Variants in RPH3A observed in about 807,000 individuals in gnomAD.
RPH3A encodes the protein rabphilin-3A.
A neutral mutation model predicts 102.2 loss-of-function variants in RPH3A; 48 were observed. The observed-to-expected ratio is 0.47, with a 90% CI of 0.37 to 0.60. The LOEUF is 0.60. Among genes scored for constraint, RPH3A ranks in the 20% least tolerant of loss-of-function variants. RPH3A has a pLI of 0.00. For missense variants in RPH3A, 781 were observed against 910.1 expected (o/e 0.86, Z 1.83); for synonymous variants, 310 against 324.3 (o/e 0.96, Z 0.47).
intron 2 of RPH3A, among the ~76,000 whole-genome samples, chr12:112,801,824 C>CA (rs2041359349): frequency 1.3e-5 from 2 of 152,112 alleles, no homozygotes; most frequent in Non-Finnish European, 2.9e-5. Context: ...CAACCCTATT[C>CA]TACTCTGTTT....
chr12:112,822,844 A>G (rs7969169), intron 2 of RPH3A, among the ~76,000 whole-genome samples: 32,997 of 152,164 alleles, frequency 0.22, 5,385 homozygotes, highest in African/African-American at 0.46. Context: ...GGTGCTTAGC[A>G]TGGAGTAAGC....
At chr12:112,816,205 A>G (rs141672385) in intron 2 of RPH3A, among the ~76,000 whole-genome samples, 65 of 152,286 alleles carry the variant, frequency 4.3e-4, no homozygotes, top group Admixed American at 8.5e-4. Context: ...CTTCCAGCAA[A>G]TGACTTTACC....
At chr12:112,613,556 T>C (rs1010064913) in intron 1 of RPH3A, among the ~76,000 whole-genome samples, 2 of 152,186 alleles carry the variant, frequency 1.3e-5, no homozygotes, top group African/African-American at 4.8e-5. Flanking sequence ...TCCTGGATTA[T>C]CCAGGTGAGC....
chr12:112,704,413 T>G (rs2040414799), intron 1 of RPH3A, among the ~76,000 whole-genome samples: 1 of 152,094 alleles, frequency 6.6e-6, no homozygotes, highest in African/African-American at 2.4e-5. Flanking sequence ...AAGGTGCAGA[T>G]CTATGGTGCT....
chr12:112,594,841 T>C (rs1402687813), intron 1 of RPH3A, among the ~76,000 whole-genome samples: 1 of 152,266 alleles, frequency 6.6e-6, no homozygotes, highest in Non-Finnish European at 1.5e-5. Flanking sequence ...GATTAATTAA[T>C]TCACCAATGT....
chr12:112,743,592 C>A (rs115679511), intron 1 of RPH3A, among the ~76,000 whole-genome samples: 1,568 of 152,224 alleles, frequency 0.01, 33 homozygotes, highest in African/African-American at 0.036. Flanking sequence ...GGTAGGCGCT[C>A]GGTAAATGTT....
chr12:112,607,918 C>T (rs1173241323), intron 1 of RPH3A, among the ~76,000 whole-genome samples: 1 of 152,146 alleles, frequency 6.6e-6, no homozygotes, highest in Non-Finnish European at 1.5e-5. Context: ...CGCTCTAAAA[C>T]CTTTAGTGGC....
At chr12:112,794,792 C>A (rs2041197534) in intron 2 of RPH3A, among the ~76,000 whole-genome samples, 1 of 152,174 alleles carries the variant, frequency 6.6e-6, no homozygotes, top group Admixed American at 6.5e-5. Flanking sequence ...CATATAAACC[C>A]ACCATTATGA....
chr12:112,848,173 C>G (rs891937799), intron 5 of RPH3A, among the ~76,000 whole-genome samples: 3 of 152,016 alleles, frequency 2.0e-5, no homozygotes, highest in African/African-American at 7.3e-5. Flanking sequence ...TTGGAGGCTG[C>G]AAGAAGCGGG....
At chr12:112,778,561 A>C (rs1016057883) in intron 1 of RPH3A, among the ~76,000 whole-genome samples, 1 of 152,220 alleles carries the variant, frequency 6.6e-6, no homozygotes, top group Non-Finnish European at 1.5e-5. Flanking sequence ...CAACAACAAA[A>C]GGCAGGGGAA....
At chr12:112,705,183 C>G (rs530167430) in intron 1 of RPH3A, among the ~76,000 whole-genome samples, 1 of 152,298 alleles carries the variant, frequency 6.6e-6, no homozygotes, top group South Asian at 2.1e-4. Context: ...TAGGGATCTG[C>G]TCCTTCTCTT....
intron 1 of RPH3A, among the ~76,000 whole-genome samples, chr12:112,593,983 C>G (rs2039497099): frequency 6.6e-6 from 1 of 152,140 alleles, no homozygotes; most frequent in Non-Finnish European, 1.5e-5. Context: ...AGAGTAGATC[C>G]TGTGTCTGTT....
chr12:112,660,457 T>G (rs187881950), intron 1 of RPH3A, among the ~76,000 whole-genome samples: 92 of 152,220 alleles, frequency 6.0e-4, no homozygotes, highest in African/African-American at 2.1e-3. Flanking sequence ...TCCTGACCTC[T>G]CCCCATCTCC....
intron 14 of RPH3A, among the ~76,000 whole-genome samples, 187 bp from the exon 15 acceptor site, chr12:112,881,585 T>A (rs1424503658): frequency 6.6e-6 from 1 of 152,216 alleles, no homozygotes; most frequent in African/African-American, 2.4e-5. Flanking sequence ...TGGCCAGGTT[T>A]AAAACCCTGT....
chr12:112,602,110 C>A (rs966589492), intron 1 of RPH3A, among the ~76,000 whole-genome samples: 2 of 152,200 alleles, frequency 1.3e-5, no homozygotes, highest in Admixed American at 6.5e-5. Context: ...ACTTCTTAAT[C>A]TGCTCCTGGG....
chr12:112,876,535 T>A lies in RPH3A; in HGVS notation c.947-107T>A, dbSNP rs2042799971. The A allele has an allele frequency of 3.8e-6, 3 of 782,150 alleles. No individual in the cohort carries two copies. In the South Asian group the frequency reaches 5.9e-5, roughly 16 times the overall value. 48.5% of individuals were successfully genotyped at this position (782,150 alleles called of 1,614,324 possible). The stretch of plus-strand genomic sequence containing the variant: ...TCCCAAGGTCCCACTGCATATCCAC[T>A]GATTCCGGGTGAAGCCAGGAATCCG... On this transcript the variant is annotated intron_variant, in intron 12 of 21. Transcript: ENST00000389385.
Position 112,640,325 on chromosome 12 carries a change from C to CAAAAAAAAAAAAAAAAAAAAAAAA in RPH3A, c.-140+65024_-140+65047dup, listed in dbSNP as rs1158230534. On this transcript the variant is annotated intron_variant, in intron 1 of 21. Transcript: ENST00000543106. Reference sequence around the variant, plus strand: ...GGTCAACAAGAGCAAAACTCCATCTCAAAAAAAAAAAAAAAAAAAAAAAAA... The same window carrying CAAAAAAAAAAAAAAAAAAAAAAAA: ...GGTCAACAAGAGCAAAACTCCATCTCAAAAAAAAAAAAAAAAAAAAAAAAAAAAAAAAAAAAAAAAAAAAAAAAA... Among the ~76,000 whole-genome samples the CAAAAAAAAAAAAAAAAAAAAAAAA allele has an allele frequency of 1.4e-4, 2 of 14,078 alleles. 1 individual carries two copies. The highest frequency in any genetic ancestry group is 4.9e-3 in the East Asian group (2 of 406). The allele number at this position is 14,078 out of a possible 152,430, so 9.2% of individuals were successfully genotyped here. A position where few individuals can be genotyped will look rare whatever the true frequency, so the allele number is the denominator to read the frequency against.
In RPH3A at chr12:112,713,061, CT is replaced by C. The variant is rs1565857537; in HGVS notation, c.-139-79080del. The stretch of plus-strand genomic sequence containing the variant: ...TCTTCTTCTTCTTCTCCTTCTTCTT[CT>C]TCTTCTTCTTCTTCTTCTTCTTCTT... On this transcript the variant is annotated intron_variant, in intron 1 of 21. Transcript: ENST00000543106. 9.9e-4 allele frequency among the ~76,000 whole-genome samples: 96 copies of C among 96,610 alleles called. 4 individuals carry two copies. Among genetic ancestry groups the C allele is most frequent in the Middle Eastern group, 4.2e-3 (1 of 240 alleles). 63.4% of individuals were successfully genotyped at this position (96,610 alleles called of 152,430 possible). A position where few individuals can be genotyped will look rare whatever the true frequency, so the allele number is the denominator to read the frequency against.
At chr12:112,694,407 C>A (rs1025523625) in intron 1 of RPH3A, among the ~76,000 whole-genome samples, 11 of 152,058 alleles carry the variant, frequency 7.2e-5, no homozygotes, top group Admixed American at 4.6e-4. Flanking sequence ...CTGTACAGGT[C>A]TCTGGGGCAA....
Sources: allele counts gnomAD v4.1 joint callset (sites outside exome capture counted in the v4.1 genomes callset), GRCh38; gene constraint gnomAD v4.1.1; transcripts MANE v1.5; gene names NCBI Gene and HGNC (gene_info 2026-07-23, HGNC 2026-07-21).